The following PDE7A variants were observed in gnomAD, a reference collection of about 807,000 sequenced individuals.
The protein encoded by PDE7A is phosphodiesterase 7A.
A neutral mutation model predicts 64.3 loss-of-function variants in PDE7A; 39 were observed. The ratio of observed to expected loss-of-function variants is 0.61; its 90% CI spans 0.47 to 0.79. PDE7A has a LOEUF of 0.79. PDE7A is among the 30% of genes least tolerant of loss of function. PDE7A has a pLI of 0.00. For synonymous variants in PDE7A, 203 were observed against 206.8 expected (o/e 0.98, Z 0.16); for missense variants, 470 against 582.8 (o/e 0.81, Z 1.99).
At chr8:65,802,674 C>A (rs1049199846) in intron 1 of PDE7A, among the ~76,000 whole-genome samples, 2 of 152,164 alleles carry the variant, frequency 1.3e-5, no homozygotes, top group Non-Finnish European at 2.9e-5. Context: ...TTGTTTTTAT[C>A]CAATTCTCTC....
intron 1 of PDE7A, among the ~76,000 whole-genome samples, chr8:65,819,881 G>C (rs376068930): frequency 6.6e-6 from 1 of 152,164 alleles, no homozygotes; most frequent in African/African-American, 2.4e-5. Flanking sequence ...GTGAGTAAAA[G>C]AAATAGCAGA....
intron 1 of PDE7A, among the ~76,000 whole-genome samples, chr8:65,840,933 C>G (rs1811066589): frequency 1.3e-5 from 2 of 152,138 alleles, no homozygotes; most frequent in African/African-American, 4.8e-5. Flanking sequence ...GCGGGGCGCG[C>G]GGGAGCTGGG....
intron 12 of PDE7A, chr8:65,719,824 G>A (rs1052287501): frequency 3.6e-5 from 11 of 306,198 alleles, no homozygotes; most frequent in South Asian, 7.4e-5. Context: ...GAGGATACTC[G>A]GGCATAGCCC....
At chr8:65,769,406 A>G (rs937438027) in intron 3 of PDE7A, among the ~76,000 whole-genome samples, 3 of 152,318 alleles carry the variant, frequency 2.0e-5, no homozygotes, top group Non-Finnish European at 4.4e-5. Flanking sequence ...AAGCTGCCAA[A>G]CTAACCCTGA....
chr8:65,822,802 G>C (rs987442357), intron 1 of PDE7A, among the ~76,000 whole-genome samples: 25 of 152,102 alleles, frequency 1.6e-4, no homozygotes, highest in Non-Finnish European at 1.6e-4. Context: ...CCAAATGTTT[G>C]AAGTGTTACA....
intron 1 of PDE7A, chr8:65,789,154 G>A: frequency 2.2e-6 from 2 of 922,618 alleles, no homozygotes; most frequent in Non-Finnish European, 1.5e-6. Flanking sequence ...CATGCTTCAT[G>A]CCACAACCGC....
At chr8:65,752,745 C>T (rs529578989) in intron 3 of PDE7A, among the ~76,000 whole-genome samples, 11 of 152,178 alleles carry the variant, frequency 7.2e-5, no homozygotes, top group Non-Finnish European at 1.6e-4. Context: ...CTTTGCTCCA[C>T]TATTTTAGCT....
At position 65,739,580 on chromosome 8, in the gene PDE7A, A is replaced by G; in HGVS notation, c.517T>C (p.Leu173=). The G allele has an allele frequency of 6.5e-7, 1 of 1,546,296 alleles. No individual in the cohort carries two copies. The highest frequency in any genetic ancestry group is 8.7e-7 in the Non-Finnish European group (1 of 1,152,096). Residue 173 remains leucine (L), a synonymous_variant, in exon 6 of 13, where the codon TTA becomes CTA. Coordinates refer to ENST00000401827, the MANE Select transcript of PDE7A (RefSeq NM_001242318.3). ...TGAAGACTAAATAAATGAAAGGTTA[A>G]GCTTACTAGACTATTTCCTAAAAAG... The part of the protein sequence containing the change: ...RLTNGNSLVS[L]TFHLFSLHGL...
chr8:65,748,351 G>A (rs1264190030), intron 3 of PDE7A, among the ~76,000 whole-genome samples: 2 of 152,184 alleles, frequency 1.3e-5, no homozygotes, highest in Admixed American at 1.3e-4. Flanking sequence ...TTTATATCCT[G>A]TAAGTGTTCT....
chr8:65,782,554 C>G (rs991460572), intron 2 of PDE7A, among the ~76,000 whole-genome samples: 7 of 152,190 alleles, frequency 4.6e-5, no homozygotes, highest in Admixed American at 2.0e-4. Context: ...GTACTAATGA[C>G]AGTGTCCCAG....
intron 5 of PDE7A, among the ~76,000 whole-genome samples, chr8:65,744,238 C>T (rs928780055): frequency 2.0e-5 from 3 of 146,586 alleles, no homozygotes; most frequent in African/African-American, 5.0e-5. Context: ...AACAAAACAA[C>T]AAAAAAAAAC....
intron 3 of PDE7A, among the ~76,000 whole-genome samples, chr8:65,758,579 C>T (rs961297977): frequency 3.9e-5 from 6 of 152,318 alleles, no homozygotes; most frequent in South Asian, 4.1e-4. Context: ...ACACTTGTGA[C>T]GGTGAGTAAG....
intron 1 of PDE7A, among the ~76,000 whole-genome samples, chr8:65,838,184 C>T (rs1437285436): frequency 6.6e-6 from 1 of 152,044 alleles, no homozygotes; most frequent in Non-Finnish European, 1.5e-5. Context: ...TTTGGCATAC[C>T]CATCAATGTA....
intron 1 of PDE7A, among the ~76,000 whole-genome samples, chr8:65,835,000 C>T (rs367812987): frequency 5.7e-4 from 87 of 152,172 alleles, no homozygotes; most frequent in African/African-American, 2.0e-3. Context: ...AAAAGTATCA[C>T]TTATTTGTGA....
intron 1 of PDE7A, among the ~76,000 whole-genome samples, chr8:65,794,021 A>G (rs911960872): frequency 6.6e-6 from 1 of 152,226 alleles, no homozygotes; most frequent in African/African-American, 2.4e-5. Context: ...AAGGCTCTAC[A>G]GTAATGTAAC....
At chr8:65,724,952 T>C (rs750511174) in intron 9 of PDE7A, 31 bp from the exon 10 acceptor site, 12 of 1,478,648 alleles carry the variant, frequency 8.1e-6, no homozygotes, top group Non-Finnish European at 1.1e-5. Context: ...AGAGAAAATA[T>C]AAGACTTTCA....
intron 1 of PDE7A, among the ~76,000 whole-genome samples, chr8:65,835,251 A>T (rs568824438): frequency 1.4e-3 from 209 of 152,372 alleles, no homozygotes; most frequent in Non-Finnish European, 2.6e-3. Flanking sequence ...GAATTTAAGA[A>T]TGTCTAGATC....
At chr8:65,730,531 TCATCCTGAAAC>T (rs1351882664) in intron 7 of PDE7A, among the ~76,000 whole-genome samples, 6 of 152,108 alleles carry the variant, frequency 3.9e-5, no homozygotes, top group African/African-American at 1.4e-4. Context: ...TGTAACAGTT[TCATCCTGAAAC>T]CATCCCCCTC....
intron 3 of PDE7A, among the ~76,000 whole-genome samples, chr8:65,749,020 G>A (rs762593841): frequency 9.2e-5 from 14 of 152,096 alleles, no homozygotes; most frequent in Non-Finnish European, 1.9e-4. Context: ...AAGGCTTCAC[G>A]CTCCAAGTCT....
Sources: allele counts gnomAD v4.1 joint callset (sites outside exome capture counted in the v4.1 genomes callset), GRCh38; gene constraint gnomAD v4.1.1; transcripts MANE v1.5; gene names NCBI Gene and HGNC (gene_info 2026-07-23, HGNC 2026-07-21).